The following KATNIP variants were observed in gnomAD, a reference collection of about 807,000 sequenced individuals.
KATNIP encodes the protein katanin interacting protein, also known as katanin-interacting protein.
KATNIP carries 126 observed loss-of-function variants against 174.0 expected under a neutral mutation model. The ratio of observed to expected loss-of-function variants is 0.72; its 90% CI spans 0.63 to 0.84. The LOEUF (loss-of-function observed/expected upper bound fraction) is 0.84, where lower values mean the gene tolerates loss of function less well. KATNIP is among the 40% of genes least tolerant of loss of function. The pLI, the probability that KATNIP is intolerant of heterozygous loss-of-function variation, is 0.00. For missense variants in KATNIP, 1,958 were observed against 2,109.7 expected (o/e 0.93, Z 1.41); for synonymous variants, 810 against 835.7 (o/e 0.97, Z 0.53).
At chr16:27,623,688 C>T (rs1483012181) in intron 3 of KATNIP, among the ~76,000 whole-genome samples, 2 of 152,156 alleles carry the variant, frequency 1.3e-5, no homozygotes, top group East Asian at 1.9e-4. Context: ...CCCAAATTGA[C>T]ATCCAGGTAA....
Position 27,778,798 on chromosome 16 carries a change from GAGTGAC to G in KATNIP, c.*172_*177del, listed in dbSNP as rs2082598313. The G allele has an allele frequency of 3.5e-6, 2 of 573,338 alleles. No individual in the cohort carries two copies. Among genetic ancestry groups the G allele is most frequent in the South Asian group, 5.3e-5 (2 of 37,436 alleles). The allele number at this position is 573,338 out of a possible 1,614,324, so 35.5% of individuals were successfully genotyped here. ...GGGAGGACAGCCCTGGATACTACCA[GAGTGAC>G]AGATGGCTGTGGCTGCAGGGCAAAG... On this transcript the variant is annotated 3_prime_UTR_variant, in exon 28 of 28. Transcript: ENST00000261588.
chr16:27,602,304 C>T (rs889414816), intron 2 of KATNIP, among the ~76,000 whole-genome samples: 18 of 152,178 alleles, frequency 1.2e-4, no homozygotes, highest in Admixed American at 9.8e-4. Context: ...CCAAGCCCTC[C>T]AGTAGCTTCC....
intron 14 of KATNIP, among the ~76,000 whole-genome samples, chr16:27,723,734 C>T (rs553719180): frequency 3.3e-5 from 5 of 152,294 alleles, no homozygotes; most frequent in South Asian, 4.1e-4. Context: ...GTGGCTTGCA[C>T]GAGACCACAT....
intron 6 of KATNIP, among the ~76,000 whole-genome samples, chr16:27,649,933 T>C (rs929753144): frequency 1.3e-5 from 2 of 152,084 alleles, no homozygotes; most frequent in Non-Finnish European, 2.9e-5. Context: ...CCTAGCACTT[T>C]GGGAGGCCAA....
chr16:27,643,508 T>C (rs1184430031), intron 5 of KATNIP: 1 of 140,498 alleles, frequency 7.1e-6, no homozygotes, highest in Non-Finnish European at 1.5e-5. Flanking sequence ...GGAGAATTGC[T>C]TGAACCCAGG....
At chr16:27,745,045 G>C (rs2081239481) in intron 15 of KATNIP, among the ~76,000 whole-genome samples, 2 of 152,228 alleles carry the variant, frequency 1.3e-5, no homozygotes, top group South Asian at 2.1e-4. Flanking sequence ...GAGCAAGAGA[G>C]AAAGAGCAAG....
intron 1 of KATNIP, among the ~76,000 whole-genome samples, chr16:27,554,140 T>C (rs765025861): frequency 6.6e-6 from 1 of 152,114 alleles, no homozygotes; most frequent in African/African-American, 2.4e-5. Context: ...GCAAGCAGTT[T>C]TACCCACCAT....
chr16:27,550,457 A>T (rs925391792), intron 1 of KATNIP, among the ~76,000 whole-genome samples: 3 of 152,086 alleles, frequency 2.0e-5, no homozygotes, highest in Admixed American at 1.3e-4. Context: ...AAGGAGAAGT[A>T]GAGGTCTGAG....
chr16:27,595,925 C>T (rs536279167), intron 2 of KATNIP, among the ~76,000 whole-genome samples: 10 of 152,184 alleles, frequency 6.6e-5, no homozygotes, highest in South Asian at 2.1e-4. Flanking sequence ...AGGGCAAAAT[C>T]GCGGGGACAG....
rs1247449222 is a variant in KATNIP, at chr16:27,773,085, A to T, written c.4199-14A>T. The T allele has an allele frequency of 6.6e-7, 1 of 1,520,596 alleles. No homozygotes were observed. Among genetic ancestry groups the T allele is most frequent in the Non-Finnish European group, 9.0e-7 (1 of 1,109,464 alleles). The allele number at this position is 1,520,596 out of a possible 1,614,324, so 94.2% of individuals were successfully genotyped here. The stretch of plus-strand genomic sequence containing the variant: ...AAAAAATTAAGCCTTCTTTTCCTTA[A>T]TAAAGTGTCCCAGTCATTTTCCAGT... On this transcript the variant is annotated splice_polypyrimidine_tract_variant and intron_variant, in intron 22 of 27. Transcript: ENST00000261588.
At chr16:27,646,061 G>A (rs1389792731) in intron 5 of KATNIP, among the ~76,000 whole-genome samples, 4 of 152,216 alleles carry the variant, frequency 2.6e-5, no homozygotes, top group Non-Finnish European at 5.9e-5. Context: ...TGGGAGAATA[G>A]CATAAGCAGA....
Position 27,681,432 on chromosome 16 carries a change from G to C in KATNIP, c.842G>C (p.Arg281Pro), listed in dbSNP as rs200897168. The C allele has an allele frequency of 7.0e-5, 113 of 1,614,096 alleles. No individual in the cohort carries two copies. The highest frequency in any genetic ancestry group is 3.3e-4 in the Middle Eastern group (2 of 6,082). The change falls in exon 8 of 28, where the codon CGG becomes CCG. Residue 281 changes from arginine to proline, a missense_variant. By Grantham distance (103) the Arg-to-Pro change is moderately radical (BLOSUM62 -2). Coordinates refer to ENST00000261588, the MANE Select transcript of KATNIP (RefSeq NM_015202.5). ...AGGGAAAGGAATTTGTCTGCAAAGC[G>C]GAAGGACAATGCTGAGGTTTTCGTT... ...HKRERNLSAK[R>P]KDNAEVFVPT...
At chr16:27,694,274 AAG>A (rs1567308435) in intron 8 of KATNIP, among the ~76,000 whole-genome samples, 2 of 152,132 alleles carry the variant, frequency 1.3e-5, no homozygotes, top group African/African-American at 2.4e-5. Context: ...GGGGCGTAGC[AAG>A]AGAGTCAAGT....
At chr16:27,711,398 C>G (rs1376243927) in intron 13 of KATNIP, among the ~76,000 whole-genome samples, 1 of 152,126 alleles carries the variant, frequency 6.6e-6, no homozygotes, top group Non-Finnish European at 1.5e-5. Context: ...GGTCATGACT[C>G]AAGGTTGGGG....
At chr16:27,632,528 G>C (rs1226166130) in intron 5 of KATNIP, 1 of 434,864 alleles carries the variant, frequency 2.3e-6, no homozygotes, top group Non-Finnish European at 4.8e-6. Flanking sequence ...TTGGCCTTCT[G>C]ATGTCAAAAG....
intron 6 of KATNIP, among the ~76,000 whole-genome samples, chr16:27,666,085 A>G (rs2077671816): frequency 6.6e-6 from 1 of 152,156 alleles, no homozygotes; most frequent in South Asian, 2.1e-4. Flanking sequence ...GGTGATGCTG[A>G]GGGGTTTGGC....
At chr16:27,635,245 A>G (rs577618004) in intron 5 of KATNIP, among the ~76,000 whole-genome samples, 3 of 152,364 alleles carry the variant, frequency 2.0e-5, no homozygotes, top group African/African-American at 7.2e-5. Context: ...GTCAAAGTGC[A>G]GTGATTAATG....
At chr16:27,688,972 A>G (rs1429538122) in intron 8 of KATNIP, among the ~76,000 whole-genome samples, 1 of 152,234 alleles carries the variant, frequency 6.6e-6, no homozygotes, top group Non-Finnish European at 1.5e-5. Flanking sequence ...GCAAAGATCC[A>G]CTACAGCCAG....
At chr16:27,687,673 G>T (rs1332136959) in intron 8 of KATNIP, among the ~76,000 whole-genome samples, 2 of 152,184 alleles carry the variant, frequency 1.3e-5, no homozygotes, top group Non-Finnish European at 2.9e-5. Context: ...GAGGGTGAAA[G>T]AACATTAGTC....
Sources: gnomAD v4.1 joint callset for allele counts (sites outside exome capture counted in the v4.1 genomes callset) on GRCh38, gnomAD v4.1.1 for gene constraint, MANE v1.5 for transcripts, NCBI Gene and HGNC (gene_info 2026-07-23, HGNC 2026-07-21) for gene names.